The following LZTS1 variants were observed in gnomAD, a reference collection of about 807,000 sequenced individuals.
LZTS1 encodes the protein leucine zipper putative tumor suppressor 1.
A neutral mutation model predicts 45.8 loss-of-function variants in LZTS1; 31 were observed. The ratio of observed to expected loss-of-function variants is 0.68; its 90% CI spans 0.51 to 0.91. The LOEUF (loss-of-function observed/expected upper bound fraction) is 0.91, where lower values mean the gene tolerates loss of function less well. Ranked by LOEUF, LZTS1 falls within the 40% of genes least tolerant of loss-of-function variation. LZTS1 has a pLI of 0.00. For missense variants in LZTS1, 821 were observed against 788.9 expected, an observed-to-expected ratio of 1.04 and a Z score of -0.49; for synonymous variants, 359 against 357.3, an observed-to-expected ratio of 1.00 and a Z score of -0.05.
rs764514538 is a variant in LZTS1 at position 20,250,062 on chromosome 8, A to T, written c.1451T>A (p.Leu484Gln). 3.1e-6 allele frequency: 5 copies of T among 1,607,634 alleles called. No individual in the cohort carries two copies. The highest frequency in any genetic ancestry group is 4.2e-6 in the Non-Finnish European group (5 of 1,179,058). ...ELQELRAQAALARDMGPPTFP... is the reference protein window; with the variant it reads ...ELQELRAQAAQARDMGPPTFP... ...GGTGGGCGGCCCCATGTCGCGGGCCAGGGCGGCCTGGGCCCGCAGCTCCTG... is the reference window on the plus strand; with the variant it reads ...GGTGGGCGGCCCCATGTCGCGGGCCTGGGCGGCCTGGGCCCGCAGCTCCTG... The change falls in exon 4 of 4, where the codon CTG becomes CAG. Residue 484 changes from leucine (L) to glutamine (Q), a missense_variant. Transcript: ENST00000381569.
In LZTS1 at chr8:20,265,959, C is replaced by T. The variant is rs183435305; in HGVS notation, c.-134-10644G>A. On this transcript the variant is annotated intron_variant, in intron 1 of 3. Transcript: ENST00000381569. ...TAAACCCCCTTGAAGGCAGATAGCACTAAAGCTTCTTTGTATCACACACAG... is the reference window on the plus strand; with the variant it reads ...TAAACCCCCTTGAAGGCAGATAGCATTAAAGCTTCTTTGTATCACACACAG... Among the ~76,000 whole-genome samples the T allele has an allele frequency of 9.7e-4, 148 of 152,146 alleles. 1 individual carries two copies. The highest frequency in any genetic ancestry group is 3.4e-3 in the Middle Eastern group (1 of 294).
intron 1 of LZTS1, among the ~76,000 whole-genome samples, chr8:20,291,418 G>A (rs1234128437): frequency 6.6e-6 from 1 of 152,170 alleles, no homozygotes; most frequent in African/African-American, 2.4e-5. Flanking sequence ...GGGGAAGAGG[G>A]TGAGACTAAC....
intron 1 of LZTS1, among the ~76,000 whole-genome samples, chr8:20,263,338 T>C (rs1268017490): frequency 1.4e-5 from 2 of 138,598 alleles, no homozygotes; most frequent in African/African-American, 5.8e-5. Flanking sequence ...CATTTCAGTC[T>C]TTTTTTTTTT....
At chr8:20,258,904 T>G (rs1176897000) in intron 1 of LZTS1, among the ~76,000 whole-genome samples, 1 of 152,160 alleles carries the variant, frequency 6.6e-6, no homozygotes. Flanking sequence ...AGGTGTGACT[T>G]AGGAGCACAG....
Position 20,247,801 on chromosome 8 carries a change from G to C in LZTS1, c.*1921C>G, listed in dbSNP as rs1036644675. ...CACCCCTACCTCGGGGTCTCTAAGG[G>C]CCAGCGGTGAGCGAGGCAGAAATGG... On this transcript the variant is annotated 3_prime_UTR_variant, in exon 4 of 4. Coordinates refer to ENST00000381569, the MANE Select transcript of LZTS1 (RefSeq NM_021020.5). 1 of 152,722 alleles carries C rather than the reference G, an allele frequency of 6.5e-6. No individual in the cohort carries two copies. The highest frequency in any genetic ancestry group is 2.4e-5 in the African/African-American group (1 of 41,440). 9.5% of individuals were successfully genotyped at this position (152,722 alleles called of 1,614,324 possible).
chr8:20,267,843 T>C (rs1039157923), intron 1 of LZTS1, among the ~76,000 whole-genome samples: 1 of 152,160 alleles, frequency 6.6e-6, no homozygotes, highest in Admixed American at 6.5e-5. Flanking sequence ...CACACTTTAC[T>C]TGCATGTTTG....
chr8:20,266,197 A>T (rs1308250130), intron 1 of LZTS1, among the ~76,000 whole-genome samples: 2 of 151,976 alleles, frequency 1.3e-5, no homozygotes, highest in Non-Finnish European at 2.9e-5. Flanking sequence ...TAATTTTTAA[A>T]TTTTGTGCAG....
chr8:20,290,426 C>G (rs1022128132), intron 1 of LZTS1: 7 of 152,272 alleles, frequency 4.6e-5, no homozygotes, highest in African/African-American at 1.7e-4. Context: ...ATACGGAGCT[C>G]TCCTGGAAGG....
chr8:20,297,969 C>T (rs1801006634), intron 1 of LZTS1, among the ~76,000 whole-genome samples: 1 of 152,226 alleles, frequency 6.6e-6, no homozygotes, highest in Non-Finnish European at 1.5e-5. Flanking sequence ...TTGGTAGTTA[C>T]AGCCCAACAT....
At chr8:20,278,145 A>G (rs760773208) in intron 1 of LZTS1, among the ~76,000 whole-genome samples, 2 of 152,178 alleles carry the variant, frequency 1.3e-5, no homozygotes, top group African/African-American at 4.8e-5. Context: ...AGGGACAGGC[A>G]GTCTCCCAGT....
chr8:20,251,927 T>G (rs983074726), intron 3 of LZTS1, among the ~76,000 whole-genome samples: 24 of 152,164 alleles, frequency 1.6e-4, no homozygotes, highest in African/African-American at 5.8e-4. Flanking sequence ...GTGGGCAAGT[T>G]AAACCACTGG....
intron 3 of LZTS1, among the ~76,000 whole-genome samples, chr8:20,252,012 C>A (rs553324729): frequency 6.6e-6 from 1 of 152,080 alleles, no homozygotes; most frequent in Admixed American, 6.6e-5. Flanking sequence ...GAGGCAGGCA[C>A]GTGGACAGAC....
intron 1 of LZTS1, among the ~76,000 whole-genome samples, chr8:20,274,597 C>T (rs1800537722): frequency 6.6e-6 from 1 of 152,204 alleles, no homozygotes; most frequent in Non-Finnish European, 1.5e-5. Context: ...GATAAGATTA[C>T]AGCTGGACAG....
At position 20,267,128 on chromosome 8, in the gene LZTS1, G is replaced by A. The variant is rs867873692; in HGVS notation, c.-134-11813C>T. ...ATCTCAAAAAAAAAAAAAAAGAAAA[G>A]AAAAAAAAAGAAAACAGCTACTCTC... On this transcript the variant is annotated intron_variant, in intron 1 of 3. Coordinates refer to ENST00000381569, the MANE Select transcript of LZTS1 (RefSeq NM_021020.5). 2.5e-3 allele frequency among the ~76,000 whole-genome samples: 364 copies of A among 146,478 alleles called. 1 individual carries two copies. The highest frequency in any genetic ancestry group is 3.8e-3 in the Non-Finnish European group (254 of 66,646).
At position 20,253,498 on chromosome 8, in the gene LZTS1, C is replaced by T; in HGVS notation, c.433G>A (p.Ala145Thr). The T allele has an allele frequency of 3.8e-6, 6 of 1,585,060 alleles. No individual in the cohort carries two copies. Among genetic ancestry groups the T allele is most frequent in the Non-Finnish European group, 5.1e-6 (6 of 1,167,508 alleles). ...GAILHSSPES[A>T]SHQLHPAPPD... ...GGGGCGGGGTGCAGCTGGTGGCTGG[C>T]ACTCTCCGGGGAGGAGTGCAGGATG... Residue 145 changes from alanine to threonine, a missense_variant, in exon 3 of 4, where the codon GCC becomes ACC. Ala to Thr is a moderately conservative substitution (Grantham distance 58). Coordinates refer to ENST00000381569, the MANE Select transcript of LZTS1 (RefSeq NM_021020.5).
At chr8:20,299,474 C>A (rs961763924) in intron 1 of LZTS1, among the ~76,000 whole-genome samples, 1 of 152,228 alleles carries the variant, frequency 6.6e-6, no homozygotes, top group African/African-American at 2.4e-5. Flanking sequence ...GCCAGTTCTT[C>A]TTCCCAACTG....
chr8:20,278,460 C>T (rs963879863), intron 1 of LZTS1, among the ~76,000 whole-genome samples: 1 of 152,108 alleles, frequency 6.6e-6, no homozygotes, highest in Non-Finnish European at 1.5e-5. Context: ...AACATAAGAC[C>T]CCAGGTCAAA....
At chr8:20,267,337 G>T (rs1800381210) in intron 1 of LZTS1, among the ~76,000 whole-genome samples, 1 of 152,002 alleles carries the variant, frequency 6.6e-6, no homozygotes, top group African/African-American at 2.4e-5. Context: ...CGGGAGTTGG[G>T]GTAGGAGGGC....
At chr8:20,270,797 CTCTGTGTGTGTG>C (rs1266596435) in intron 1 of LZTS1, among the ~76,000 whole-genome samples, 169 of 99,418 alleles carry the variant, frequency 1.7e-3, no homozygotes, top group African/African-American at 5.0e-3. Flanking sequence ...CGAGTGTGTC[CTCTGTGTGTGTG>C]TGTGTGTGTG....
Sources: gnomAD v4.1 joint callset for allele counts (sites outside exome capture counted in the v4.1 genomes callset) on GRCh38, gnomAD v4.1.1 for gene constraint, MANE v1.5 for transcripts, NCBI Gene and HGNC (gene_info 2026-07-23, HGNC 2026-07-21) for gene names.